Variants in SNX18 observed in about 807,000 individuals in gnomAD.
The protein encoded by SNX18 is sorting nexin 18.
In SNX18, 35 loss-of-function variants were observed where a neutral mutation model predicts 48.7. The ratio of observed to expected loss-of-function variants is 0.72; its 90% CI spans 0.55 to 0.95. SNX18 has a LOEUF of 0.95. Ranked by LOEUF, SNX18 falls within the 40% of genes least tolerant of loss-of-function variation. The pLI is 0.00. For synonymous variants in SNX18, 492 were observed against 384.7 expected (o/e 1.28, Z -3.26); for missense variants, 824 against 871.0 (o/e 0.95, Z 0.68).
the SNX18 span, among the ~76,000 whole-genome samples, chr5:54,605,622 C>T: frequency 6.6e-6 from 1 of 152,130 alleles, no homozygotes; most frequent in East Asian, 1.9e-4. Context: ...ACATAATCAA[C>T]ATAAAAATTA....
intron 1 of SNX18, among the ~76,000 whole-genome samples, chr5:54,533,182 T>C (rs1762283222): frequency 6.6e-6 from 1 of 152,226 alleles, no homozygotes; most frequent in African/African-American, 2.4e-5. Flanking sequence ...AAAAGTTCTC[T>C]TTGTCATTTA....
chr5:54,538,172 A>G (rs549873031), intron 1 of SNX18, among the ~76,000 whole-genome samples: 172 of 152,384 alleles, frequency 1.1e-3, no homozygotes, highest in African/African-American at 4.0e-3. Flanking sequence ...GTAAGAACCC[A>G]ATCATTTGTA....
chr5:54,527,107 T>C (rs1762145963), intron 1 of SNX18, among the ~76,000 whole-genome samples: 1 of 152,050 alleles, frequency 6.6e-6, no homozygotes, highest in South Asian at 2.1e-4. Context: ...TTGCAAGGCT[T>C]TGCAGGTCAC....
downstream of SNX18, chr5:54,546,717 C>A (rs17513751): frequency 6.6e-6 from 1 of 152,092 alleles, no homozygotes; most frequent in Non-Finnish European, 1.5e-5. Context: ...AGAAATTATT[C>A]ATCAAACACT....
the SNX18 span, among the ~76,000 whole-genome samples, chr5:54,630,961 G>A: frequency 6.6e-6 from 1 of 152,094 alleles, no homozygotes; most frequent in East Asian, 1.9e-4. Flanking sequence ...GGCACCCAGA[G>A]GAGCCCAGGT....
the SNX18 span, among the ~76,000 whole-genome samples, chr5:54,599,137 A>T: frequency 6.6e-6 from 1 of 152,168 alleles, no homozygotes; most frequent in Non-Finnish European, 1.5e-5. Context: ...CACAGTTGCT[A>T]CAAAGAGAAT....
the SNX18 span, among the ~76,000 whole-genome samples, chr5:54,598,631 C>T: frequency 0.015 from 2,237 of 152,194 alleles, 20 homozygotes; most frequent in Admixed American, 0.022. Flanking sequence ...AAGACAAAAA[C>T]CACATGATTA....
the SNX18 span, chr5:54,643,660 C>T: frequency 1.2e-4 from 18 of 152,126 alleles, no homozygotes; most frequent in Admixed American, 4.6e-4. Flanking sequence ...GGGAGGAGAA[C>T]GGAAGGAAAA....
the SNX18 span, among the ~76,000 whole-genome samples, chr5:54,573,291 C>T: frequency 7.2e-5 from 11 of 152,104 alleles, no homozygotes; most frequent in African/African-American, 2.2e-4. Flanking sequence ...GAGTAGCTGT[C>T]CTTTCACTAC....
Position 54,518,242 on chromosome 5 carries a change from T to C in SNX18, c.290T>C (p.Phe97Ser), listed in dbSNP as rs2112830672. Residue 97 changes from phenylalanine (F) to serine (S), a missense_variant, in exon 1 of 2, where the codon TTC becomes TCC. By Grantham distance (155) the Phe-to-Ser change is radical. This residue lies in a region of SNX18 where 377 missense variants were observed against 350.6 expected (regional missense o/e 1.08). Coordinates refer to ENST00000381410, the MANE Select transcript of SNX18 (RefSeq NM_001102575.2). ...EPLPVAPPAS[F>S]KPPPDAFQAL... ...CTGCCTGTCGCGCCCCCCGCCTCCT[T>C]CAAGCCGCCGCCTGACGCCTTCCAG... 3.7e-5 allele frequency: 53 copies of C among 1,450,284 alleles called. No individual in the cohort carries two copies. The highest frequency in any genetic ancestry group is 4.8e-5 in the Non-Finnish European group (53 of 1,108,554). The allele number at this position is 1,450,284 out of a possible 1,614,324, so 89.8% of individuals were successfully genotyped here. A position where few individuals can be genotyped will look rare whatever the true frequency, so the allele number is the denominator to read the frequency against.
At chr5:54,583,806 A>G in the SNX18 span, among the ~76,000 whole-genome samples, 1 of 152,204 alleles carries the variant, frequency 6.6e-6, no homozygotes, top group Non-Finnish European at 1.5e-5. Context: ...TCCAGGGTCC[A>G]GCCTGGATAC....
In SNX18 at chr5:54,538,900, A is replaced by T. The variant is rs114030968; in HGVS notation, c.1622-4279A>T. 5.9e-3 allele frequency among the ~76,000 whole-genome samples: 900 copies of T among 152,316 alleles called. 11 individuals carry two copies. The highest frequency in any genetic ancestry group is 0.021 in the African/African-American group (855 of 41,560). On this transcript the variant is annotated intron_variant, in intron 1 of 1. Transcript: ENST00000381410. The stretch of plus-strand genomic sequence containing the variant: ...TAAAGGAAGTTATTTTTGTTTTTTA[A>T]ACTTGTTCTACATTTGTGGGTACAA...
chr5:54,559,512 G>T, the SNX18 span, among the ~76,000 whole-genome samples: 1 of 152,166 alleles, frequency 6.6e-6, no homozygotes, highest in Non-Finnish European at 1.5e-5. Flanking sequence ...GGGATAACTG[G>T]CTAGCCACAT....
At chr5:54,606,184 C>T in the SNX18 span, among the ~76,000 whole-genome samples, 1 of 152,178 alleles carries the variant, frequency 6.6e-6, no homozygotes, top group African/African-American at 2.4e-5. Context: ...CACCAGACAT[C>T]CATCCATTCA....
At chr5:54,589,013 T>A in the SNX18 span, among the ~76,000 whole-genome samples, 1 of 152,204 alleles carries the variant, frequency 6.6e-6, no homozygotes, top group Non-Finnish European at 1.5e-5. Flanking sequence ...TTCTATTGTC[T>A]TTAAACCACT....
At chr5:54,593,456 A>T in the SNX18 span, among the ~76,000 whole-genome samples, 3 of 152,232 alleles carry the variant, frequency 2.0e-5, no homozygotes, top group Admixed American at 2.0e-4. Flanking sequence ...AATATTGTTA[A>T]GACATTAATT....
At chr5:54,638,818 T>C in the SNX18 span, among the ~76,000 whole-genome samples, 2 of 152,100 alleles carry the variant, frequency 1.3e-5, no homozygotes, top group South Asian at 2.1e-4. Flanking sequence ...GGAGAAATGG[T>C]AGAAGCTGGA....
At chr5:54,565,186 C>G in the SNX18 span, among the ~76,000 whole-genome samples, 1 of 152,188 alleles carries the variant, frequency 6.6e-6, no homozygotes, top group African/African-American at 2.4e-5. Context: ...TTTCCCCTAG[C>G]CATATAACAT....
chr5:54,532,827 C>G (rs1762273043), intron 1 of SNX18, among the ~76,000 whole-genome samples: 1 of 152,192 alleles, frequency 6.6e-6, no homozygotes, highest in South Asian at 2.1e-4. Context: ...TGTGATTTCT[C>G]TCTTCATTTT....
Sources: allele counts gnomAD v4.1 joint callset (sites outside exome capture counted in the v4.1 genomes callset), GRCh38; gene constraint gnomAD v4.1.1; regional missense constraint gnomAD v4.1.1; transcripts MANE v1.5; gene names NCBI Gene and HGNC (gene_info 2026-07-23, HGNC 2026-07-21).